The following CLHC1 variants were observed in gnomAD, a reference collection of about 807,000 sequenced individuals.
CLHC1 encodes clathrin heavy chain linker domain-containing protein 1.
Under a neutral mutation model 69.5 loss-of-function variants are expected in CLHC1, and 72 were observed. That is an observed-to-expected ratio of 1.04 (90% CI 0.86 to 1.26). The LOEUF (loss-of-function observed/expected upper bound fraction) is 1.26. Ranked by LOEUF, CLHC1 falls within the 50% of genes most tolerant of loss-of-function variation. The pLI is 0.00. For missense variants in CLHC1, 790 were observed against 679.3 expected (o/e 1.16, Z -1.81); for synonymous variants, 223 against 224.3 (o/e 0.99, Z 0.05).
intron 9 of CLHC1, among the ~76,000 whole-genome samples, chr2:55,195,859 G>C (rs1186475714): frequency 6.6e-6 from 1 of 152,014 alleles, no homozygotes; most frequent in African/African-American, 2.4e-5. Flanking sequence ...ACACAAAAAA[G>C]CACCTTCATA....
rs776561866 is a variant in CLHC1, at chr2:55,174,719, G to A, written c.*1071C>T. 2 of 152,144 alleles carry A rather than the reference G, an allele frequency of 1.3e-5. No individual in the cohort carries two copies. The highest frequency in any genetic ancestry group is 2.9e-5 in the Non-Finnish European group (2 of 68,020). The allele number at this position is 152,144 out of a possible 1,614,324, so 9.4% of individuals were successfully genotyped here. ...TCAATTTAAATTTAGGATGGGAAAAGTTATGCTCTTTGCTCTTATTCTAAT... is the reference window on the plus strand; with the variant it reads ...TCAATTTAAATTTAGGATGGGAAAAATTATGCTCTTTGCTCTTATTCTAAT... On this transcript the variant is annotated 3_prime_UTR_variant, in exon 13 of 13. Coordinates refer to ENST00000401408, the MANE Select transcript of CLHC1 (RefSeq NM_152385.4).
rs2103808647 is a variant in CLHC1 at position 55,194,417 on chromosome 2, C to T, written c.1006+11853G>A. Among the ~76,000 whole-genome samples the T allele has an allele frequency of 2.0e-5, 3 of 152,124 alleles. No homozygotes were observed. The South Asian group carries it at 6.2e-4, about 32-fold the overall frequency. On this transcript the variant is annotated intron_variant, in intron 9 of 12. Coordinates refer to ENST00000401408, the MANE Select transcript of CLHC1 (RefSeq NM_152385.4). ...AGAATTTCTTCAACCTCATAAATGG[C>T]ATATATGAAAAACCTATAGCTAATA...
intron 3 of CLHC1, among the ~76,000 whole-genome samples, chr2:55,220,215 T>G (rs1381843638): frequency 6.6e-6 from 1 of 152,196 alleles, no homozygotes; most frequent in Non-Finnish European, 1.5e-5. Flanking sequence ...TTAAACACAA[T>G]TTGGTATTTG....
At chr2:55,201,267 T>A (rs1235359706) in intron 9 of CLHC1, among the ~76,000 whole-genome samples, 2 of 151,640 alleles carry the variant, frequency 1.3e-5, no homozygotes, top group African/African-American at 4.8e-5. Flanking sequence ...TGACAAATCC[T>A]TAGCCAAACT....
In CLHC1 at chr2:55,180,524, T is replaced by A. The variant is rs1420393843; in HGVS notation, c.1370A>T (p.Lys457Met). ...HRVMEYIQQL[K>M]DFTTDDLLQL... ...TTTTAACTTACCGGTAGTAAAGTCC[T>A]TCAACTGCTGTATGTACTCCATGAC... The change falls in exon 11 of 13, where the codon AAG becomes ATG. Residue 457 changes from lysine (K) to methionine (M), a missense_variant. By Grantham distance (95) the Lys-to-Met change is moderately conservative. Transcript: ENST00000401408. 1.9e-6 allele frequency: 3 copies of A among 1,613,576 alleles called. No homozygotes were observed. In the East Asian group the frequency reaches 6.7e-5, roughly 36 times the overall value.
Position 55,212,745 on chromosome 2 carries a change from A to C in CLHC1, c.427T>G (p.Cys143Gly), listed in dbSNP as rs746029257. 2.5e-6 allele frequency: 4 copies of C among 1,597,320 alleles called. No homozygotes were observed. The highest frequency in any genetic ancestry group is 1.7e-5 in the Admixed American group (1 of 59,980). ...TCTTTTGTGTCATACTCTGCCCTAC[A>C]CTGCTTGATGTGATCTATTTGAGAT... ...IQSQIDHIKQ[C>G]RAEYDTKEVK... Residue 143 changes from cysteine (C) to glycine (G), a missense_variant, in exon 5 of 13, where the codon TGT (cysteine) becomes GGT (glycine). Coordinates refer to ENST00000401408, the MANE Select transcript of CLHC1 (RefSeq NM_152385.4).
rs554224430 is a variant in CLHC1 at position 55,232,284 on chromosome 2, T to C, written c.-317A>G. On this transcript the variant is annotated 5_prime_UTR_variant, in exon 1 of 13. Transcript: ENST00000401408. ...GACTTCAGTGCTTAGAGATAGTAACTAGGGAATCTGGGAGGTGGAACTGCA... is the reference window on the plus strand; with the variant it reads ...GACTTCAGTGCTTAGAGATAGTAACCAGGGAATCTGGGAGGTGGAACTGCA... The C allele has an allele frequency of 7.4e-5, 15 of 202,898 alleles. No individual in the cohort carries two copies. The South Asian group carries it at 1.1e-3, about 15-fold the overall frequency. 12.6% of individuals were successfully genotyped at this position (202,898 alleles called of 1,614,324 possible). A position where few individuals can be genotyped will look rare whatever the true frequency, so the allele number is the denominator to read the frequency against.
intron 3 of CLHC1, among the ~76,000 whole-genome samples, chr2:55,221,914 C>A (rs561135962): frequency 6.6e-6 from 1 of 152,166 alleles, no homozygotes; most frequent in East Asian, 1.9e-4. Flanking sequence ...GAGTTTGAGG[C>A]TGCAGTGAGA....
chr2:55,187,402 C>T (rs1175786983), intron 9 of CLHC1, among the ~76,000 whole-genome samples: 1 of 152,124 alleles, frequency 6.6e-6, no homozygotes, highest in African/African-American at 2.4e-5. Context: ...CACTTGGACT[C>T]AGAGGTTCCA....
At chr2:55,200,491 T>C (rs187013894) in intron 9 of CLHC1, among the ~76,000 whole-genome samples, 1 of 152,232 alleles carries the variant, frequency 6.6e-6, no homozygotes, top group East Asian at 1.9e-4. Flanking sequence ...CAATTGTAAA[T>C]ATATATGCCC....
chr2:55,177,869 A>T (rs889700577), intron 11 of CLHC1, 88 bp from the exon 12 acceptor site: 1 of 924,514 alleles, frequency 1.1e-6, no homozygotes, highest in African/African-American at 1.7e-5. Flanking sequence ...TATACCTGCC[A>T]ATCAACAGTT....
chr2:55,232,534 A>G (rs115477709), upstream of CLHC1: 1,406 of 523,494 alleles, frequency 2.7e-3, 22 homozygotes, highest in African/African-American at 0.025. Flanking sequence ...AAATAAGCCC[A>G]GGCTAGGGAG....
chr2:55,214,268 G>A (rs1673281662), intron 4 of CLHC1: 1 of 152,366 alleles, frequency 6.6e-6, no homozygotes, highest in Non-Finnish European at 1.5e-5. Context: ...CCAGCACTGT[G>A]GGAGGCCAAG....
intron 9 of CLHC1, 67 bp downstream of exon 9, chr2:55,206,203 T>C (rs1672424207): frequency 1.1e-6 from 1 of 924,504 alleles, no homozygotes; most frequent in Non-Finnish European, 1.7e-6. Flanking sequence ...TTAATGCTTT[T>C]TCTATTTTAT....
Position 55,175,504 on chromosome 2 carries a change from C to A in CLHC1, c.*286G>T. 5.9e-6 allele frequency: 2 copies of A among 339,268 alleles called. 1 individual carries two copies. The highest frequency in any genetic ancestry group is 1.1e-4 in the South Asian group (2 of 18,552). The allele number at this position is 339,268 out of a possible 1,614,324, so 21.0% of individuals were successfully genotyped here. A position where few individuals can be genotyped will look rare whatever the true frequency, so the allele number is the denominator to read the frequency against. The stretch of plus-strand genomic sequence containing the variant: ...ATCACCAGAAAGTAATATATCTGGA[C>A]ATTAGCTTATGTCCTTAGATAAAAA... On this transcript the variant is annotated 3_prime_UTR_variant, in exon 13 of 13. Transcript: ENST00000401408.
At chr2:55,176,435 G>A (rs1669397019) in intron 12 of CLHC1, among the ~76,000 whole-genome samples, 1 of 152,186 alleles carries the variant, frequency 6.6e-6, no homozygotes, top group African/African-American at 2.4e-5. Flanking sequence ...CCTTAGTGGA[G>A]CTAACCCAAG....
chr2:55,231,299 C>T (rs1215034813), intron 1 of CLHC1, among the ~76,000 whole-genome samples: 1 of 150,974 alleles, frequency 6.6e-6, no homozygotes, highest in African/African-American at 2.4e-5. Context: ...CTGGATTCTT[C>T]AGAAATGCCA....
intron 1 of CLHC1, among the ~76,000 whole-genome samples, chr2:55,228,916 G>A (rs1406903556): frequency 6.6e-6 from 1 of 152,112 alleles, no homozygotes; most frequent in Non-Finnish European, 1.5e-5. Flanking sequence ...TTGGAAAGCC[G>A]AGGCAGGTGG....
chr2:55,192,834 C>A (rs1226189631), intron 9 of CLHC1, among the ~76,000 whole-genome samples: 2 of 150,760 alleles, frequency 1.3e-5, no homozygotes, highest in Non-Finnish European at 2.9e-5. Context: ...AAAAGTAGAT[C>A]ATGTATCTGA....
Sources: allele counts gnomAD v4.1 joint callset (sites outside exome capture counted in the v4.1 genomes callset), GRCh38; gene constraint gnomAD v4.1.1; transcripts MANE v1.5; gene names NCBI Gene and HGNC (gene_info 2026-07-23, HGNC 2026-07-21).